The following SCAPER variants were observed in gnomAD, a reference collection of about 807,000 sequenced individuals.
The protein encoded by SCAPER is S-phase cyclin A associated protein in the ER, also known as S phase cyclin A-associated protein in the endoplasmic reticulum.
In SCAPER, 98 loss-of-function variants were observed where a neutral mutation model predicts 182.2. That is an observed-to-expected ratio of 0.54 (90% confidence interval 0.46 to 0.64). SCAPER has a LOEUF of 0.64. SCAPER is among the 30% of genes least tolerant of loss of function. SCAPER has a pLI of 0.00. For synonymous variants in SCAPER, 605 were observed against 564.6 expected, an observed-to-expected ratio of 1.07 and a Z score of -1.01; for missense variants, 1,432 against 1,690.0, an observed-to-expected ratio of 0.85 and a Z score of 2.68.
At chr15:76,684,356 G>A (rs192165237) in intron 20 of SCAPER, among the ~76,000 whole-genome samples, 7 of 152,264 alleles carry the variant, frequency 4.6e-5, no homozygotes, top group Admixed American at 1.3e-4. Context: ...AATGTAAAGG[G>A]ATAGAGAAAA....
rs575491103 is a variant in SCAPER at position 76,568,768 on chromosome 15, C to T, written c.2838+5390G>A. Among the ~76,000 whole-genome samples the T allele has an allele frequency of 3.9e-5, 6 of 152,020 alleles. No homozygotes were observed. The South Asian group carries it at 8.3e-4, about 21-fold the overall frequency. On this transcript the variant is annotated intron_variant, in intron 23 of 31. Transcript: ENST00000563290. ...AATTTCCAAAGAACAAAGTGTTGGA[C>T]TTTTAAATGAGATTTCACTGAATCT...
chr15:76,536,948 G>A (rs2044221863), intron 23 of SCAPER, among the ~76,000 whole-genome samples: 1 of 151,644 alleles, frequency 6.6e-6, no homozygotes, highest in Admixed American at 6.6e-5. Flanking sequence ...GCCAAATCAT[G>A]AGTGAACTCC....
At chr15:76,506,204 C>A (rs189849872) in intron 23 of SCAPER, among the ~76,000 whole-genome samples, 1 of 151,714 alleles carries the variant, frequency 6.6e-6, no homozygotes, top group East Asian at 1.9e-4. Context: ...AGCCCAACAG[C>A]GTGAATATAA....
chr15:76,619,865 C>T (rs192716755), intron 22 of SCAPER, among the ~76,000 whole-genome samples: 5 of 152,124 alleles, frequency 3.3e-5, no homozygotes, highest in East Asian at 1.9e-4. Flanking sequence ...ACTGCCTGAG[C>T]GCAGGAGTTC....
intron 15 of SCAPER, among the ~76,000 whole-genome samples, chr15:76,734,882 C>G (rs2061150931): frequency 6.6e-6 from 1 of 152,028 alleles, no homozygotes; most frequent in African/African-American, 2.4e-5. Flanking sequence ...ATCTCTCTCT[C>G]TCTATATATA....
At chr15:76,564,908 A>T (rs370731167) in intron 23 of SCAPER, among the ~76,000 whole-genome samples, 4 of 152,194 alleles carry the variant, frequency 2.6e-5, no homozygotes, top group Non-Finnish European at 5.9e-5. Flanking sequence ...TGACAAAAAC[A>T]AGCAATGGGG....
chr15:76,535,607 C>T (rs931788399), intron 23 of SCAPER, among the ~76,000 whole-genome samples: 4 of 150,418 alleles, frequency 2.7e-5, no homozygotes, highest in African/African-American at 9.8e-5. Flanking sequence ...ATCACATATT[C>T]CACAAACATT....
chr15:76,714,675 A>G (rs912790841), intron 17 of SCAPER, among the ~76,000 whole-genome samples: 9 of 152,124 alleles, frequency 5.9e-5, no homozygotes, highest in Non-Finnish European at 1.3e-4. Context: ...ATTCATCAAG[A>G]TGTACACTTA....
intron 17 of SCAPER, among the ~76,000 whole-genome samples, chr15:76,717,244 T>C (rs941531941): frequency 6.6e-6 from 1 of 151,990 alleles, no homozygotes; most frequent in African/African-American, 2.4e-5. Flanking sequence ...CAAATAAAAG[T>C]TGAAGGAATT....
chr15:76,348,600 A>C lies in SCAPER; in HGVS notation c.*33T>G, dbSNP rs962466828. 28 of 1,336,798 alleles carry C rather than the reference A, an allele frequency of 2.1e-5. No homozygotes were observed. The highest frequency in any genetic ancestry group is 2.8e-5 in the Non-Finnish European group (27 of 969,900). The allele number at this position is 1,336,798 out of a possible 1,614,324, so 82.8% of individuals were successfully genotyped here. ...TGTTTGGACAATTTAAAATATTAAC[A>C]AGGGTACTCAAATACAGAATCAACC... On this transcript the variant is annotated 3_prime_UTR_variant, in exon 32 of 32. Transcript: ENST00000563290.
At chr15:76,454,335 C>G (rs2048573820) in intron 25 of SCAPER, among the ~76,000 whole-genome samples, 1 of 152,180 alleles carries the variant, frequency 6.6e-6, no homozygotes, top group Non-Finnish European at 1.5e-5. Context: ...GAGCTATCCA[C>G]TGATCATAAA....
intron 2 of SCAPER, among the ~76,000 whole-genome samples, chr15:76,879,626 T>C (rs771181503): frequency 6.6e-6 from 1 of 152,150 alleles, no homozygotes; most frequent in Non-Finnish European, 1.5e-5. Context: ...AATCAAATTT[T>C]TGATGACACT....
At chr15:76,777,700 AG>A (rs1055309887) in intron 8 of SCAPER, among the ~76,000 whole-genome samples, 1 of 152,228 alleles carries the variant, frequency 6.6e-6, no homozygotes, top group African/African-American at 2.4e-5. Flanking sequence ...ATCTCAAAAA[AG>A]TAAATAAATA....
At chr15:76,758,753 T>C (rs900399938) in intron 14 of SCAPER, among the ~76,000 whole-genome samples, 4 of 152,190 alleles carry the variant, frequency 2.6e-5, no homozygotes, top group African/African-American at 9.6e-5. Flanking sequence ...CTGCTTTAAA[T>C]TTTCTTTCAT....
chr15:76,378,916 A>G (rs1305069852), intron 28 of SCAPER, among the ~76,000 whole-genome samples: 2 of 152,160 alleles, frequency 1.3e-5, no homozygotes, highest in Non-Finnish European at 2.9e-5. Flanking sequence ...ATCAAACATG[A>G]CAGTAAAGAG....
At chr15:76,894,285 A>C (rs2074312386) in intron 1 of SCAPER, among the ~76,000 whole-genome samples, 1 of 151,918 alleles carries the variant, frequency 6.6e-6, no homozygotes, top group African/African-American at 2.4e-5. Flanking sequence ...TCTCAGCCTC[A>C]CATGATGTGA....
At chr15:76,409,037 C>T (rs2045079289) in intron 26 of SCAPER, among the ~76,000 whole-genome samples, 1 of 152,134 alleles carries the variant, frequency 6.6e-6, no homozygotes, top group South Asian at 2.1e-4. Context: ...ACTGGGCCAT[C>T]TACAGTGCCT....
chr15:76,410,326 A>G (rs2045198351), intron 26 of SCAPER, among the ~76,000 whole-genome samples: 1 of 152,224 alleles, frequency 6.6e-6, no homozygotes, highest in African/African-American at 2.4e-5. Context: ...ATTTCTAAGT[A>G]TGATGCTGAT....
chr15:76,621,721 G>A, intron 22 of SCAPER, 43 bp downstream of exon 22: 2 of 1,450,684 alleles, frequency 1.4e-6, no homozygotes, highest in Non-Finnish European at 1.9e-6. Flanking sequence ...TTTGTTACAG[G>A]CATAGACTGA....
Sources: gnomAD v4.1 joint callset for allele counts (sites outside exome capture counted in the v4.1 genomes callset) on GRCh38, gnomAD v4.1.1 for gene constraint, MANE v1.5 for transcripts, NCBI Gene and HGNC (gene_info 2026-07-23, HGNC 2026-07-21) for gene names.